AK5: variants seen among roughly 807,000 people sequenced by gnomAD.
The protein encoded by AK5 is adenylate kinase isoenzyme 5.
In AK5, 27 loss-of-function variants were observed where a neutral mutation model predicts 69.5. The observed-to-expected ratio is 0.39, with a 90% confidence interval of 0.29 to 0.54. The LOEUF is 0.54. AK5 is among the 20% of genes least tolerant of loss of function. AK5 has a pLI of 0.71. For synonymous variants in AK5, 260 were observed against 244.4 expected, an observed-to-expected ratio of 1.06 and a Z score of -0.60; for missense variants, 531 against 700.4, an observed-to-expected ratio of 0.76 and a Z score of 2.73.
In AK5 at chr1:77,297,924, C is replaced by G; in HGVS notation, c.676C>G (p.Gln226Glu). The G allele has an allele frequency of 6.2e-7, 1 of 1,612,134 alleles. No individual in the cohort carries two copies. The highest frequency in any genetic ancestry group is 8.5e-7 in the Non-Finnish European group (1 of 1,179,258). Residue 226 changes from glutamine (Q) to glutamate (E), a missense_variant, in exon 5 of 14, where the codon CAG becomes GAG. Coordinates refer to ENST00000354567, the MANE Select transcript of AK5 (RefSeq NM_174858.3). ...VIDGFPRDVA[Q>E]ALSFEDQICT... The stretch of plus-strand genomic sequence containing the variant: ...TGATGGATTTCCAAGAGATGTTGCC[C>G]AGGCTCTATCTTTTGAGGACCAAGT...
intron 8 of AK5, among the ~76,000 whole-genome samples, chr1:77,481,767 T>G (rs1453417187): frequency 2.0e-5 from 3 of 152,170 alleles, no homozygotes; most frequent in Admixed American, 2.0e-4. Context: ...TATAAATACA[T>G]TTACTCTTTG....
intron 12 of AK5, among the ~76,000 whole-genome samples, chr1:77,529,555 C>G (rs1229996657): frequency 1.3e-5 from 2 of 152,144 alleles, no homozygotes; most frequent in Admixed American, 1.3e-4. Context: ...GAACTCCTGA[C>G]CTCGTGATCT....
At chr1:77,285,031 A>G (rs1192756786) in intron 1 of AK5, among the ~76,000 whole-genome samples, 1 of 152,218 alleles carries the variant, frequency 6.6e-6, no homozygotes, top group East Asian at 1.9e-4. Flanking sequence ...CAACAGGTAC[A>G]GAGAAGAACA....
At chr1:77,477,950 G>T (rs775673882) in intron 8 of AK5, among the ~76,000 whole-genome samples, 1 of 152,098 alleles carries the variant, frequency 6.6e-6, no homozygotes, top group Admixed American at 6.5e-5. Flanking sequence ...GCCTCCAAAA[G>T]CATTTTTAAA....
intron 6 of AK5, among the ~76,000 whole-genome samples, chr1:77,379,838 C>T (rs1647500277): frequency 6.6e-6 from 1 of 152,158 alleles, no homozygotes; most frequent in Non-Finnish European, 1.5e-5. Context: ...ATCTAACAAA[C>T]ATAAATAACG....
chr1:77,389,693 GGCTCA>G (rs1428080702), intron 6 of AK5, among the ~76,000 whole-genome samples: 1 of 152,156 alleles, frequency 6.6e-6, no homozygotes, highest in Non-Finnish European at 1.5e-5. Flanking sequence ...TGGGCACGAT[GGCTCA>G]TGCCTGTAAT....
At chr1:77,368,245 A>ATATAT (rs1553140335) in intron 6 of AK5, among the ~76,000 whole-genome samples, 741 of 67,892 alleles carry the variant, frequency 0.011, 90 homozygotes, top group East Asian at 0.063. Context: ...ATATATATAT[A>ATATAT]TATATATAAT....
At chr1:77,426,954 C>T (rs1181535283) in intron 8 of AK5, among the ~76,000 whole-genome samples, 1 of 151,816 alleles carries the variant, frequency 6.6e-6, no homozygotes, top group Non-Finnish European at 1.5e-5. Context: ...GAAAATTTAA[C>T]AAAATTTGTG....
At chr1:77,452,358 G>A (rs773342949) in intron 8 of AK5, among the ~76,000 whole-genome samples, 3 of 152,140 alleles carry the variant, frequency 2.0e-5, no homozygotes, top group African/African-American at 4.8e-5. Flanking sequence ...GGATAGCATT[G>A]CAATATTCTC....
chr1:77,305,282 G>A (rs2799560), intron 5 of AK5, among the ~76,000 whole-genome samples: 22,504 of 151,818 alleles, frequency 0.15, 2,169 homozygotes, highest in Non-Finnish European at 0.2. Flanking sequence ...CCATTCTGTG[G>A]GTTGTCTTTT....
At chr1:77,339,644 C>CTT (rs34298832) in intron 5 of AK5, among the ~76,000 whole-genome samples, 10 of 123,156 alleles carry the variant, frequency 8.1e-5, no homozygotes, top group African/African-American at 3.1e-4. Context: ...TTAGCAATAT[C>CTT]TTTTTTTTTT....
At chr1:77,382,594 C>A (rs183679445) in intron 6 of AK5, among the ~76,000 whole-genome samples, 191 of 152,302 alleles carry the variant, frequency 1.3e-3, no homozygotes, top group Non-Finnish European at 1.8e-3. Flanking sequence ...AAGTGAGTCA[C>A]CCGTCTCAGC....
intron 2 of AK5, 125 bp downstream of exon 2, chr1:77,287,252 C>A: frequency 1.6e-6 from 1 of 613,330 alleles, no homozygotes; most frequent in Non-Finnish European, 2.4e-6. Flanking sequence ...CATTGGATCA[C>A]GATTAATTTT....
intron 7 of AK5, among the ~76,000 whole-genome samples, chr1:77,415,148 C>T (rs551058155): frequency 6.6e-6 from 1 of 152,154 alleles, no homozygotes; most frequent in Non-Finnish European, 1.5e-5. Context: ...TCTCTTCTTA[C>T]TTATAAGCAT....
chr1:77,282,471 G>C, intron 1 of AK5, 98 bp downstream of exon 1: 4 of 1,446,816 alleles, frequency 2.8e-6, no homozygotes, highest in Non-Finnish European at 2.8e-6. Context: ...TCCCCACACG[G>C]GGCATGTAAT....
chr1:77,285,477 T>C (rs1557461579), intron 1 of AK5, among the ~76,000 whole-genome samples: 1 of 152,220 alleles, frequency 6.6e-6, no homozygotes, highest in Non-Finnish European at 1.5e-5. Flanking sequence ...ACACAGGAAA[T>C]AATTGAAAAT....
chr1:77,343,340 C>T (rs553086821), intron 6 of AK5, among the ~76,000 whole-genome samples: 119 of 152,258 alleles, frequency 7.8e-4, no homozygotes, highest in Non-Finnish European at 1.5e-3. Flanking sequence ...TTCTCTGGCG[C>T]TTTGGTGTCT....
intron 10 of AK5, among the ~76,000 whole-genome samples, chr1:77,512,244 A>T (rs1219493916): frequency 5.3e-5 from 8 of 151,522 alleles, no homozygotes; most frequent in African/African-American, 7.3e-5. Flanking sequence ...TGTGTGTGTG[A>T]GAGAGAGAGA....
At chr1:77,304,819 G>A (rs756171970) in intron 5 of AK5, among the ~76,000 whole-genome samples, 2 of 152,116 alleles carry the variant, frequency 1.3e-5, no homozygotes, top group Non-Finnish European at 2.9e-5. Flanking sequence ...ATATCTCTTC[G>A]ATATACTGAT....
Sources: allele counts gnomAD v4.1 joint callset (sites outside exome capture counted in the v4.1 genomes callset), GRCh38; gene constraint gnomAD v4.1.1; transcripts MANE v1.5; gene names NCBI Gene and HGNC (gene_info 2026-07-23, HGNC 2026-07-21).